Variants in ERCC6L2 observed in about 807,000 individuals in gnomAD.
ERCC6L2 encodes DNA excision repair protein ERCC-6-like 2.
A neutral mutation model predicts 132.0 loss-of-function variants in ERCC6L2; 77 were observed. The observed-to-expected ratio is 0.58, with a 90% CI of 0.49 to 0.71. ERCC6L2 has a LOEUF of 0.71. Ranked by LOEUF, ERCC6L2 falls within the 30% of genes least tolerant of loss-of-function variation. The pLI is 0.00. For synonymous variants in ERCC6L2, 583 were observed against 632.4 expected (o/e 0.92, Z 1.17); for missense variants, 1,542 against 1,837.6 (o/e 0.84, Z 2.94).
At chr9:95,914,502 C>T (rs569514748) in intron 4 of ERCC6L2, among the ~76,000 whole-genome samples, 5 of 152,076 alleles carry the variant, frequency 3.3e-5, no homozygotes, top group East Asian at 1.9e-4. Flanking sequence ...TACAGGCACA[C>T]GCCACCGCGC....
chr9:96,013,066 G>A lies in ERCC6L2; in HGVS notation c.4516G>A (p.Ala1506Thr). The A allele has an allele frequency of 7.3e-7, 1 of 1,367,596 alleles. No homozygotes were observed. Among genetic ancestry groups the A allele is most frequent in the Non-Finnish European group, 9.8e-7 (1 of 1,021,856 alleles). 84.7% of individuals were successfully genotyped at this position (1,367,596 alleles called of 1,614,324 possible). A position where few individuals can be genotyped will look rare whatever the true frequency, so the allele number is the denominator to read the frequency against. Residue 1506 changes from alanine to threonine, a missense_variant, in exon 19 of 19, where the codon GCA becomes ACA. Ala to Thr is a moderately conservative substitution (Grantham distance 58). Transcript: ENST00000653738. ...AGTAATAGAGACTCTGTGTGAAAAA[G>A]CACCTCTAGCAGCACCCTTTAAAAG... ...LAVIETLCEK[A>T]PLAAPFKRRE...
At chr9:96,040,449 C>T (rs144022998) in intron 20 of ERCC6L2, among the ~76,000 whole-genome samples, 341 of 152,316 alleles carry the variant, frequency 2.2e-3, no homozygotes, top group African/African-American at 8.0e-3. Flanking sequence ...AAGGCCTGGC[C>T]TCTGATTCCA....
intron 2 of ERCC6L2, among the ~76,000 whole-genome samples, chr9:95,891,334 C>T (rs1255699209): frequency 1.3e-5 from 2 of 152,260 alleles, no homozygotes; most frequent in South Asian, 2.1e-4. Flanking sequence ...AATACACAAA[C>T]GCATTCTTAT....
At chr9:95,980,503 G>C (rs969475684) in intron 17 of ERCC6L2, among the ~76,000 whole-genome samples, 7 of 152,120 alleles carry the variant, frequency 4.6e-5, no homozygotes, top group Non-Finnish European at 1.0e-4. Context: ...GTCAGTAATT[G>C]ATACAGCAAA....
rs1831580134 is a variant in ERCC6L2, at chr9:95,955,978, G to A, written c.1912G>A (p.Glu638Lys). 1.2e-6 allele frequency: 2 copies of A among 1,608,232 alleles called. No individual in the cohort carries two copies. Among genetic ancestry groups the A allele is most frequent in the Non-Finnish European group, 1.7e-6 (2 of 1,176,728 alleles). ...TAGGCTGATATCCTTGGGAACTGTG[G>A]AGGAAATCATGTATTTACGACAGAT... Reference protein sequence around the residue: ...VLRLISLGTVEEIMYLRQIYK... With the variant: ...VLRLISLGTVKEIMYLRQIYK... The change falls in exon 13 of 19, where the codon GAG becomes AAG. Residue 638 changes from glutamate (E) to lysine (K), a missense_variant. Coordinates refer to ENST00000653738, the MANE Select transcript of ERCC6L2 (RefSeq NM_020207.7).
chr9:95,931,271 A>C (rs1388675976), intron 11 of ERCC6L2, among the ~76,000 whole-genome samples: 1 of 152,106 alleles, frequency 6.6e-6, no homozygotes, highest in Non-Finnish European at 1.5e-5. Flanking sequence ...AATGTTACTA[A>C]TTCTCATTCA....
downstream of ERCC6L2, chr9:96,020,267 C>G (rs1834262405): frequency 6.0e-6 from 1 of 166,558 alleles, no homozygotes; most frequent in Non-Finnish European, 1.3e-5. Context: ...CTGGTCCCGC[C>G]CATGACACGT....
intron 9 of ERCC6L2, 54 bp downstream of exon 9, chr9:95,923,433 C>G: frequency 6.3e-7 from 1 of 1,594,256 alleles, no homozygotes; most frequent in South Asian, 1.1e-5. Flanking sequence ...AATATTTATT[C>G]AGTGGTATGA....
chr9:95,948,686 C>T (rs1394979577), intron 12 of ERCC6L2, among the ~76,000 whole-genome samples: 1 of 151,028 alleles, frequency 6.6e-6, no homozygotes, highest in African/African-American at 2.4e-5. Context: ...AGGCTCAAGA[C>T]ACACCCTGCT....
chr9:95,962,971 C>T (rs1831981450), intron 13 of ERCC6L2, among the ~76,000 whole-genome samples: 1 of 152,064 alleles, frequency 6.6e-6, no homozygotes, highest in Non-Finnish European at 1.5e-5. Context: ...AAGGAGTGAC[C>T]TGTATTGTTC....
Position 95,921,464 on chromosome 9 carries a change from A to C in ERCC6L2, c.1299+149A>C, listed in dbSNP as rs144118008. The C allele has an allele frequency of 2.0e-4, 102 of 499,198 alleles. No individual in the cohort carries two copies. The East Asian group carries it at 3.7e-3, about 18-fold the overall frequency. The allele number at this position is 499,198 out of a possible 1,614,324, so 30.9% of individuals were successfully genotyped here. A position where few individuals can be genotyped will look rare whatever the true frequency, so the allele number is the denominator to read the frequency against. ...AAAAAATAGTTTTCAAAAATATTTT[A>C]CAATATCAAATAGTAATCACATATA... On this transcript the variant is annotated intron_variant, in intron 7 of 18. Transcript: ENST00000653738.
intron 17 of ERCC6L2, among the ~76,000 whole-genome samples, chr9:95,991,574 T>C (rs754896036): frequency 1.3e-5 from 2 of 152,212 alleles, no homozygotes; most frequent in African/African-American, 4.8e-5. Flanking sequence ...AGTGAGCATG[T>C]CACTTCAAAG....
chr9:95,924,161 A>C (rs1830002190), intron 9 of ERCC6L2, among the ~76,000 whole-genome samples: 1 of 152,160 alleles, frequency 6.6e-6, no homozygotes, highest in African/African-American at 2.4e-5. Flanking sequence ...TCTTTTTGAC[A>C]TAAAAAGAAT....
chr9:95,968,404 T>C (rs1832263008), intron 14 of ERCC6L2: 2 of 152,190 alleles, frequency 1.3e-5, no homozygotes, highest in African/African-American at 4.8e-5. Flanking sequence ...TTAAGTTAAA[T>C]TTTGAATTAA....
chr9:96,020,555 T>C (rs1165155025), downstream of ERCC6L2: 2 of 359,772 alleles, frequency 5.6e-6, no homozygotes, highest in Admixed American at 7.5e-5. Context: ...CACAGCCATA[T>C]GCTGAGACAT....
rs2133081684 is a variant in ERCC6L2 at position 95,972,611 on chromosome 9, G to A, written c.2860G>A (p.Gly954Arg). ...TCGAAACACTGATGACAAAAGAAAT[G>A]GAATAATTTCAAAAAAGTTAAGTCC... ...NSRNTDDKRN[G>R]IISKKLSPEN... The change falls in exon 16 of 19, where the codon GGA becomes AGA. Residue 954 changes from glycine (G) to arginine (R), a missense_variant. By Grantham distance (125) the Gly-to-Arg change is moderately radical. Around this residue, in one of 4 missense-constraint regions of ERCC6L2, gnomAD observed 945 missense variants for 1,105.2 expected, o/e 0.86. Transcript: ENST00000653738. The A allele has an allele frequency of 7.8e-7, 1 of 1,289,628 alleles. No individual in the cohort carries two copies. Among genetic ancestry groups the A allele is most frequent in the East Asian group, 5.6e-5 (1 of 17,990 alleles). 79.9% of individuals were successfully genotyped at this position (1,289,628 alleles called of 1,614,324 possible). A position where few individuals can be genotyped will look rare whatever the true frequency, so the allele number is the denominator to read the frequency against.
rs540551340 is a variant in ERCC6L2, at chr9:95,959,020, A to G, written c.1947+3007A>G. 2.9e-3 allele frequency among the ~76,000 whole-genome samples: 446 copies of G among 152,018 alleles called. 7 individuals are homozygous for G. Among genetic ancestry groups the G allele is most frequent in the Admixed American group, 0.026 (401 of 15,246 alleles). On this transcript the variant is annotated intron_variant, in intron 13 of 18. Coordinates refer to ENST00000653738, the MANE Select transcript of ERCC6L2 (RefSeq NM_020207.7). ...AATGACTTTCTTCACAGAATTGGAAAAAACTACTTTAAAGTTCATATGGAA... is the reference window on the plus strand; with the variant it reads ...AATGACTTTCTTCACAGAATTGGAAGAAACTACTTTAAAGTTCATATGGAA...
intron 2 of ERCC6L2, among the ~76,000 whole-genome samples, chr9:95,887,448 C>T (rs1217017806): frequency 2.6e-5 from 4 of 152,118 alleles, no homozygotes; most frequent in Non-Finnish European, 5.9e-5. Context: ...TTTACAGACA[C>T]CAAAATCTTA....
chr9:95,906,502 A>G (rs1472656249), intron 3 of ERCC6L2: 2 of 358,758 alleles, frequency 5.6e-6, no homozygotes, highest in South Asian at 2.1e-5. Flanking sequence ...GGCAAAATAT[A>G]TGGAAATGAA....
Sources: allele counts gnomAD v4.1 joint callset (sites outside exome capture counted in the v4.1 genomes callset), GRCh38; gene constraint gnomAD v4.1.1; regional missense constraint gnomAD v4.1.1; transcripts MANE v1.5; gene names NCBI Gene and HGNC (gene_info 2026-07-23, HGNC 2026-07-21).